The following GPHN variants were observed in gnomAD, a reference collection of about 807,000 sequenced individuals.
GPHN encodes the protein gephyrin.
In GPHN, 17 loss-of-function variants were observed where a neutral mutation model predicts 95.5. That is an observed-to-expected ratio of 0.18 (90% CI 0.12 to 0.27). The LOEUF (loss-of-function observed/expected upper bound fraction) is 0.27. GPHN is among the 10% of genes least tolerant of loss of function. The pLI, the probability that GPHN is intolerant of heterozygous loss-of-function variation, is 1.00. For synonymous variants in GPHN, 320 were observed against 322.5 expected (o/e 0.99, Z 0.08); for missense variants, 660 against 978.1 (o/e 0.67, Z 4.34).
intron 10 of GPHN, among the ~76,000 whole-genome samples, chr14:67,051,688 A>C (rs2075312131): frequency 6.6e-6 from 1 of 152,182 alleles, no homozygotes; most frequent in African/African-American, 2.4e-5. Context: ...AATGAAGGGA[A>C]AGTATTAAGG....
chr14:67,574,369 G>A, the GPHN span: 6 of 1,589,938 alleles, frequency 3.8e-6, no homozygotes, highest in Non-Finnish European at 5.1e-6. This position sits in a 1 kb window ranked among gnomAD's most constrained non-coding sequence, Gnocchi z 4.2. Flanking sequence ...CTTCGGGGTG[G>A]CACCAAGCCC....
intron 9 of GPHN, among the ~76,000 whole-genome samples, chr14:67,016,104 A>G (rs1208840575): frequency 1.3e-5 from 2 of 152,178 alleles, no homozygotes; most frequent in Non-Finnish European, 2.9e-5. Flanking sequence ...TAGAGGTGGG[A>G]AAGGTTTCAT....
the GPHN span, among the ~76,000 whole-genome samples, chr14:67,499,307 G>A: frequency 6.6e-6 from 1 of 152,126 alleles, no homozygotes; most frequent in Non-Finnish European, 1.5e-5. Context: ...CCCCACTAAT[G>A]GTCTTTTATT....
chr14:66,613,035 A>G (rs531566267), intron 1 of GPHN, among the ~76,000 whole-genome samples: 2 of 152,134 alleles, frequency 1.3e-5, no homozygotes, highest in African/African-American at 4.8e-5. Flanking sequence ...TGTGGATATT[A>G]CTGATTCTTG....
the GPHN span, among the ~76,000 whole-genome samples, chr14:67,625,680 C>CA: frequency 0.14 from 4,260 of 31,480 alleles, 341 homozygotes; most frequent in African/African-American, 0.2. Flanking sequence ...AACTCCATCT[C>CA]AAAAAAAAAA....
At chr14:66,562,938 C>T (rs1187707969) in intron 1 of GPHN, among the ~76,000 whole-genome samples, 1 of 151,784 alleles carries the variant, frequency 6.6e-6, no homozygotes, top group South Asian at 2.1e-4. Context: ...TCAAAATAAT[C>T]CTTATGCGAA....
At chr14:66,663,862 A>G (rs903378028) in intron 1 of GPHN, among the ~76,000 whole-genome samples, 9 of 152,214 alleles carry the variant, frequency 5.9e-5, no homozygotes, top group Admixed American at 5.2e-4. Flanking sequence ...TTAACCAACA[A>G]AGATCAATAA....
intron 2 of GPHN, among the ~76,000 whole-genome samples, chr14:66,695,857 G>A (rs1283305207): frequency 6.6e-6 from 1 of 152,206 alleles, no homozygotes; most frequent in Admixed American, 6.5e-5. Context: ...TTAGAGAGGA[G>A]GAAGGGATGA....
the GPHN span, chr14:67,241,422 CG>C: frequency 6.5e-6 from 1 of 152,864 alleles, no homozygotes; most frequent in Non-Finnish European, 1.5e-5. Flanking sequence ...GGTGGGGAGT[CG>C]GGAGTTTCTG....
chr14:67,431,376 A>G, the GPHN span, among the ~76,000 whole-genome samples: 1 of 126,272 alleles, frequency 7.9e-6, no homozygotes, highest in Non-Finnish European at 1.6e-5. Context: ...TGGGTGACAG[A>G]GTGAGACTCT....
At chr14:67,169,118 C>G (rs41285536) in intron 21 of GPHN, 82 bp downstream of exon 21, 10 of 846,350 alleles carry the variant, frequency 1.2e-5, no homozygotes, top group Non-Finnish European at 1.8e-5. Context: ...CCAAAATAAA[C>G]ATCTAGAGTT....
the GPHN span, among the ~76,000 whole-genome samples, chr14:67,265,142 C>T: frequency 6.6e-6 from 1 of 152,098 alleles, no homozygotes; most frequent in Admixed American, 6.6e-5. Context: ...GCAGTTGTTT[C>T]TTTGGAATGT....
At chr14:66,739,442 T>G (rs1324933428) in intron 2 of GPHN, among the ~76,000 whole-genome samples, 1 of 150,660 alleles carries the variant, frequency 6.6e-6, no homozygotes, top group Non-Finnish European at 1.5e-5. Context: ...GGTCTCGATC[T>G]CCTGACCTCG....
the GPHN span, chr14:67,303,544 C>T: frequency 6.2e-7 from 1 of 1,613,726 alleles, no homozygotes; most frequent in Admixed American, 1.7e-5. Flanking sequence ...GGTACTTTGA[C>T]TTTTGTCCTG....
chr14:66,923,189 T>C (rs1323584930), intron 7 of GPHN, among the ~76,000 whole-genome samples: 3 of 152,188 alleles, frequency 2.0e-5, no homozygotes, highest in African/African-American at 7.2e-5. Context: ...ATAGCTACAA[T>C]GATAAACAAC....
In GPHN at chr14:66,629,154, TAAA is replaced by T. The variant is rs1465328270; in HGVS notation, c.65-51952_65-51950del. 9.6e-3 allele frequency among the ~76,000 whole-genome samples: 1,094 copies of T among 113,988 alleles called. 23 individuals carry two copies. Among genetic ancestry groups the T allele is most frequent in the Non-Finnish European group, 0.014 (793 of 58,594 alleles). 74.8% of individuals were successfully genotyped at this position (113,988 alleles called of 152,430 possible). On this transcript the variant is annotated intron_variant, in intron 1 of 22. Transcript: ENST00000478722. Reference sequence around the variant, plus strand: ...ATAAATATATATTTATATACATATATAAATATGTATATAAATATATATATACAT... The same window carrying T: ...ATAAATATATATTTATATACATATATTATGTATATAAATATATATATACAT...
chr14:66,902,784 C>T (rs566508350), intron 5 of GPHN, among the ~76,000 whole-genome samples: 187 of 152,008 alleles, frequency 1.2e-3, no homozygotes, highest in Non-Finnish European at 2.3e-3. Context: ...AGAATTTTTG[C>T]ATTTGTATTC....
chr14:67,523,328 A>AC, the GPHN span, among the ~76,000 whole-genome samples: 1 of 152,170 alleles, frequency 6.6e-6, no homozygotes, highest in East Asian at 1.9e-4. Context: ...ATCTCAAAAA[A>AC]AAAAAAAAGA....
At chr14:67,058,120 T>C (rs1427837732) in intron 10 of GPHN, among the ~76,000 whole-genome samples, 1 of 152,190 alleles carries the variant, frequency 6.6e-6, no homozygotes, top group Non-Finnish European at 1.5e-5. Context: ...TGGTTGTGAA[T>C]GATTTTTTTA....
Sources: allele counts gnomAD v4.1 joint callset (sites outside exome capture counted in the v4.1 genomes callset), GRCh38; gene constraint gnomAD v4.1.1; non-coding constraint Gnocchi (gnomAD v3.1); transcripts MANE v1.5; gene names NCBI Gene and HGNC (gene_info 2026-07-23, HGNC 2026-07-21).